CLNK: variants seen among roughly 807,000 people sequenced by gnomAD.
The protein encoded by CLNK is cytokine-dependent hematopoietic cell linker.
Under a neutral mutation model 68.6 loss-of-function variants are expected in CLNK, and 74 were observed. The observed-to-expected ratio is 1.08, with a 90% CI of 0.89 to 1.31. The LOEUF is 1.31. Among genes scored for constraint, CLNK ranks in the 50% most tolerant of loss-of-function variants. CLNK has a pLI of 0.00. For missense variants in CLNK, 553 were observed against 515.3 expected (o/e 1.07, Z -0.71); for synonymous variants, 198 against 172.2 (o/e 1.15, Z -1.17).
At chr4:10,731,849 T>C in the CLNK span, among the ~76,000 whole-genome samples, 6 of 152,200 alleles carry the variant, frequency 3.9e-5, no homozygotes, top group African/African-American at 1.4e-4. Flanking sequence ...TCATACCACA[T>C]GCAAATCTAA....
chr4:10,521,886 G>C (rs1718081849), intron 14 of CLNK, among the ~76,000 whole-genome samples: 1 of 152,096 alleles, frequency 6.6e-6, no homozygotes, highest in Non-Finnish European at 1.5e-5. Context: ...GAAAAGAATA[G>C]AAATATCCTC....
intron 2 of CLNK, among the ~76,000 whole-genome samples, chr4:10,655,107 A>G (rs917418240): frequency 6.6e-5 from 10 of 151,596 alleles, no homozygotes; most frequent in African/African-American, 2.4e-4. Context: ...ACTCGAAAAA[A>G]AAAAAAAAAA....
chr4:10,641,338 G>C (rs1723300319), intron 2 of CLNK, among the ~76,000 whole-genome samples: 2 of 152,204 alleles, frequency 1.3e-5, no homozygotes, highest in Non-Finnish European at 2.9e-5. Flanking sequence ...GAGACAGCAG[G>C]TGGTTCCCAT....
At chr4:10,514,716 A>C (rs1053519172) in intron 15 of CLNK, among the ~76,000 whole-genome samples, 2 of 151,262 alleles carry the variant, frequency 1.3e-5, no homozygotes, top group East Asian at 3.9e-4. Flanking sequence ...CCAAAACACC[A>C]AAAGCAATGG....
At chr4:10,729,689 T>C in the CLNK span, among the ~76,000 whole-genome samples, 1 of 152,204 alleles carries the variant, frequency 6.6e-6, no homozygotes, top group Non-Finnish European at 1.5e-5. Flanking sequence ...GAAAGTCAAA[T>C]ACTGTCATGG....
chr4:10,730,509 A>C, the CLNK span, among the ~76,000 whole-genome samples: 4 of 152,152 alleles, frequency 2.6e-5, no homozygotes, highest in East Asian at 7.7e-4. Context: ...ATTTGAATAC[A>C]TTTCTGGGTG....
chr4:10,734,047 C>A, the CLNK span, among the ~76,000 whole-genome samples: 1 of 152,070 alleles, frequency 6.6e-6, no homozygotes, highest in Non-Finnish European at 1.5e-5. Context: ...GAAGACAAAC[C>A]ACTACTCAAT....
intron 14 of CLNK, 118 bp from the exon 15 acceptor site, chr4:10,520,949 A>G (rs996322991): frequency 1.4e-6 from 1 of 719,430 alleles, no homozygotes; most frequent in Admixed American, 2.2e-5. Context: ...AGCACTTTAT[A>G]TTTTACTGGA....
intron 2 of CLNK, among the ~76,000 whole-genome samples, chr4:10,628,498 T>C (rs1722762642): frequency 6.6e-6 from 1 of 152,136 alleles, no homozygotes; most frequent in African/African-American, 2.4e-5. Flanking sequence ...TCTCCTTTGC[T>C]CTCCAGACTA....
the CLNK span, among the ~76,000 whole-genome samples, chr4:10,728,600 C>CTTTTTTTT: frequency 8.0e-6 from 1 of 125,578 alleles, no homozygotes; most frequent in Non-Finnish European, 1.6e-5. Flanking sequence ...TTCTTTCTTT[C>CTTTTTTTT]TTTCTTTTTT....
At chr4:10,627,048 A>C (rs1722701454) in intron 2 of CLNK, among the ~76,000 whole-genome samples, 1 of 152,202 alleles carries the variant, frequency 6.6e-6, no homozygotes, top group Non-Finnish European at 1.5e-5. Flanking sequence ...CGAGAGGTCA[A>C]AGCGGTGTCC....
At chr4:10,704,798 A>G in the CLNK span, among the ~76,000 whole-genome samples, 143,404 of 152,330 alleles carry the variant, frequency 0.94, 67,599 homozygotes, top group Non-Finnish European at 0.96. Flanking sequence ...TGAACTTGGA[A>G]CAATAAATGA....
At chr4:10,721,849 G>T in the CLNK span, among the ~76,000 whole-genome samples, 1 of 152,166 alleles carries the variant, frequency 6.6e-6, no homozygotes, top group African/African-American at 2.4e-5. Flanking sequence ...GGTGCATATT[G>T]TATTGCCAAA....
chr4:10,727,733 A>G, the CLNK span, among the ~76,000 whole-genome samples: 5 of 152,220 alleles, frequency 3.3e-5, no homozygotes, highest in Non-Finnish European at 7.3e-5. Flanking sequence ...CCAACACTAG[A>G]GCAACGAATA....
intron 2 of CLNK, among the ~76,000 whole-genome samples, chr4:10,625,072 C>T (rs868302317): frequency 1.3e-5 from 2 of 152,240 alleles, no homozygotes; most frequent in Non-Finnish European, 1.5e-5. Context: ...ACCCATCTTT[C>T]ATTCCCAAAG....
intron 3 of CLNK, among the ~76,000 whole-genome samples, chr4:10,586,723 C>T (rs1720983724): frequency 6.6e-6 from 1 of 152,254 alleles, no homozygotes; most frequent in East Asian, 1.9e-4. Context: ...TGAGCTGCAC[C>T]AATTTATATT....
At chr4:10,689,878 A>G in the CLNK span, among the ~76,000 whole-genome samples, 1 of 150,726 alleles carries the variant, frequency 6.6e-6, no homozygotes, top group Non-Finnish European at 1.5e-5. Flanking sequence ...CCTTGAGAGG[A>G]GATCAGCTCA....
intron 2 of CLNK, among the ~76,000 whole-genome samples, chr4:10,650,428 A>G (rs1410096335): frequency 6.6e-6 from 1 of 152,154 alleles, no homozygotes; most frequent in Non-Finnish European, 1.5e-5. Context: ...TTAAATAAGA[A>G]AAAACTCACA....
intron 7 of CLNK, among the ~76,000 whole-genome samples, chr4:10,560,497 G>T (rs556631863): frequency 6.6e-6 from 1 of 152,282 alleles, no homozygotes; most frequent in South Asian, 2.1e-4. Flanking sequence ...AGGCTGGAAT[G>T]CAGTGGCATG....
Sources: gnomAD v4.1 joint callset for allele counts (sites outside exome capture counted in the v4.1 genomes callset) on GRCh38, gnomAD v4.1.1 for gene constraint, MANE v1.5 for transcripts, NCBI Gene and HGNC (gene_info 2026-07-23, HGNC 2026-07-21) for gene names.